Variants in AMOT observed in about 807,000 individuals in gnomAD.
AMOT encodes angiomotin.
Under a neutral mutation model 67.0 loss-of-function variants are expected in AMOT, and 11 were observed. The observed-to-expected ratio is 0.16, with a 90% confidence interval of 0.10 to 0.27. AMOT has a LOEUF of 0.27. Ranked by LOEUF, AMOT falls within the 10% of genes least tolerant of loss-of-function variation. AMOT has a pLI of 1.00. For missense variants in AMOT, 753 were observed against 852.0 expected (o/e 0.88, Z 1.45); for synonymous variants, 326 against 321.4 (o/e 1.01, Z -0.15).
chrX:112,802,856 G>A (rs967113173), intron 8 of AMOT, among the ~76,000 whole-genome samples: 2 of 112,142 alleles, frequency 1.8e-5, no homozygotes, highest in African/African-American at 6.5e-5. Flanking sequence ...CCTTTTCAGC[G>A]AGGGCTGCCC....
intron 2 of AMOT, among the ~76,000 whole-genome samples, chrX:112,827,679 T>C (rs2887470): frequency 1.8e-5 from 2 of 111,894 alleles, no homozygotes; most frequent in Non-Finnish European, 3.8e-5. Flanking sequence ...CTTACTCCAT[T>C]TGCAGTCATT....
At chrX:112,837,452 C>T (rs1301889251) in intron 1 of AMOT, among the ~76,000 whole-genome samples, 2 of 111,851 alleles carry the variant, frequency 1.8e-5, no homozygotes, top group Non-Finnish European at 3.8e-5. Flanking sequence ...CAAAGAAAAC[C>T]TGTTGTGGAT....
intron 8 of AMOT, 115 bp downstream of exon 8, chrX:112,804,832 G>A (rs1268094626): frequency 1.5e-5 from 15 of 1,021,027 alleles, no homozygotes; most frequent in Non-Finnish European, 2.0e-5. Flanking sequence ...GCAGCAGATG[G>A]CACCTCCCTT....
chrX:112,807,518 A>G (rs1360977335), intron 7 of AMOT, among the ~76,000 whole-genome samples: 2 of 110,572 alleles, frequency 1.8e-5, no homozygotes, highest in Non-Finnish European at 3.8e-5. Flanking sequence ...AATTTAAAAC[A>G]AATATGATTC....
chrX:112,793,549 C>T (rs1454152590), intron 8 of AMOT, among the ~76,000 whole-genome samples: 2 of 112,041 alleles, frequency 1.8e-5, no homozygotes, highest in East Asian at 5.6e-4. Flanking sequence ...GCCCCCTCCT[C>T]AAATTAGAAT....
At chrX:112,788,834 A>G (rs1208587971) in intron 10 of AMOT, among the ~76,000 whole-genome samples, 1 of 112,584 alleles carries the variant, frequency 8.9e-6, no homozygotes, top group Non-Finnish European at 1.9e-5. Context: ...AAAAACAGTG[A>G]TTAGATGAAA....
In AMOT at chrX:112,776,020, T is replaced by C. The variant is rs1189781029; in HGVS notation, c.*2547A>G. ...CTATCTTCTGCATAATATACTGACA[T>C]ACTCTTCTTCCCTCTCTTGGATGTA... On this transcript the variant is annotated 3_prime_UTR_variant, in exon 14 of 14. Coordinates refer to ENST00000371959, the MANE Select transcript of AMOT (RefSeq NM_001113490.2). The C allele has an allele frequency of 1.8e-5, 2 of 112,715 alleles. No individual in the cohort carries two copies. The highest frequency in any genetic ancestry group is 3.2e-5 in the African/African-American group (1 of 30,989). The allele number at this position is 112,715 out of a possible 1,213,427, so 9.3% of individuals were successfully genotyped here.
chrX:112,794,656 C>T (rs976927158), intron 8 of AMOT, among the ~76,000 whole-genome samples: 1 of 112,161 alleles, frequency 8.9e-6, no homozygotes, highest in African/African-American at 3.2e-5. Context: ...GACCTATACG[C>T]TTTATTAACT....
chrX:112,814,070 C>G (rs910006878), intron 5 of AMOT, among the ~76,000 whole-genome samples: 4 of 110,756 alleles, frequency 3.6e-5, no homozygotes, highest in Non-Finnish European at 7.6e-5. Flanking sequence ...GTCGGGAGTT[C>G]GAGACCAGCC....
chrX:112,832,749 T>C (rs762717063), intron 1 of AMOT, among the ~76,000 whole-genome samples: 4 of 112,084 alleles, frequency 3.6e-5, no homozygotes, highest in Non-Finnish European at 7.5e-5. Context: ...ACTAACATAA[T>C]TGAGAGCTCC....
chrX:112,792,823 C>T (rs1391970725), intron 8 of AMOT, among the ~76,000 whole-genome samples: 1 of 111,278 alleles, frequency 9.0e-6, no homozygotes, highest in African/African-American at 3.3e-5. Context: ...TATTATTCCT[C>T]TTTGCAAGCC....
chrX:112,838,043 T>C (rs1935172958), intron 1 of AMOT, among the ~76,000 whole-genome samples: 1 of 111,666 alleles, frequency 9.0e-6, no homozygotes, highest in Admixed American at 9.5e-5. Flanking sequence ...TCCCCAAGAA[T>C]AGACTGTTCT....
chrX:112,781,142 T>C lies in AMOT; in HGVS notation c.2241-24A>G, dbSNP rs748358850. ...TCCTAGGAGCCAAAGGCAAAGAACA[T>C]ATAAAGACCTTGTTGTGGGCTGGGC... On this transcript the variant is annotated intron_variant, in intron 11 of 13. Transcript: ENST00000371959. 2.5e-6 allele frequency: 3 copies of C among 1,182,149 alleles called. No homozygotes were observed. The African/African-American group carries it at 5.3e-5, about 21-fold the overall frequency.
At chrX:112,780,088 C>A (rs1319676036) in intron 12 of AMOT, among the ~76,000 whole-genome samples, 2 of 111,334 alleles carry the variant, frequency 1.8e-5, no homozygotes, top group East Asian at 5.6e-4. Context: ...CACTTATAAA[C>A]CATTACCACA....
At chrX:112,838,248 G>A (rs147775718) in intron 1 of AMOT, among the ~76,000 whole-genome samples, 8 of 112,055 alleles carry the variant, frequency 7.1e-5, no homozygotes, top group South Asian at 3.8e-4. Flanking sequence ...GAAAAGAAGC[G>A]TTAAGAGGGG....
rs1932971240 is a variant in AMOT, at chrX:112,777,588, A to G, written c.*979T>C. The G allele has an allele frequency of 1.8e-5, 2 of 112,443 alleles. No homozygotes were observed. The highest frequency in any genetic ancestry group is 9.4e-5 in the Admixed American group (1 of 10,621). The allele number at this position is 112,443 out of a possible 1,213,427, so 9.3% of individuals were successfully genotyped here. On this transcript the variant is annotated 3_prime_UTR_variant, in exon 14 of 14. Coordinates refer to ENST00000371959, the MANE Select transcript of AMOT (RefSeq NM_001113490.2). ...CAAAGCATTCAACCTGTCAACAAAG[A>G]TCCTTCCTCACTTTGCAAATGATTG...
intron 2 of AMOT, among the ~76,000 whole-genome samples, chrX:112,830,294 C>T (rs1435946101): frequency 8.9e-6 from 1 of 112,129 alleles, no homozygotes; most frequent in Non-Finnish European, 1.9e-5. Flanking sequence ...TGTGGCATAA[C>T]TTCATAACAT....
intron 8 of AMOT, 25 bp from the exon 9 acceptor site, chrX:112,792,006 G>A (rs1330700719): frequency 1.7e-6 from 2 of 1,207,917 alleles, no homozygotes; most frequent in Admixed American, 4.4e-5. Context: ...TGGGTAATTT[G>A]CAAGGTGAAA....
At position 112,808,028 on chromosome X, in the gene AMOT, G is replaced by A. The variant is rs1345003715; in HGVS notation, c.1630+1866C>T. 6.3e-5 allele frequency among the ~76,000 whole-genome samples: 7 copies of A among 111,725 alleles called. No homozygotes were observed. The East Asian group carries it at 8.5e-4, about 13-fold the overall frequency. On this transcript the variant is annotated intron_variant, in intron 7 of 13. Transcript: ENST00000371959. Reference sequence around the variant, plus strand: ...ACCAGAAACTCAAACAAGTAGTTTCGATTTTTTGGAGGTTAAGTGCTCTTC... The same window carrying A: ...ACCAGAAACTCAAACAAGTAGTTTCAATTTTTTGGAGGTTAAGTGCTCTTC...
Sources: gnomAD v4.1 joint callset for allele counts (sites outside exome capture counted in the v4.1 genomes callset) on GRCh38, gnomAD v4.1.1 for gene constraint, MANE v1.5 for transcripts, NCBI Gene and HGNC (gene_info 2026-07-23, HGNC 2026-07-21) for gene names.